The following NSG2 variants were observed in gnomAD, a reference collection of about 807,000 sequenced individuals.
NSG2 encodes the protein neuronal vesicle trafficking-associated protein 2.
Under a neutral mutation model 16.9 loss-of-function variants are expected in NSG2, and 4 were observed. That is an observed-to-expected ratio of 0.24 (90% confidence interval 0.12 to 0.54). The LOEUF is 0.54. Among genes scored for constraint, NSG2 ranks in the 20% least tolerant of loss-of-function variants. NSG2 has a pLI of 0.95. For synonymous variants in NSG2, 98 were observed against 88.7 expected, an observed-to-expected ratio of 1.11 and a Z score of -0.59; for missense variants, 179 against 221.1, an observed-to-expected ratio of 0.81 and a Z score of 1.21.
At chr5:174,053,822 C>A (rs181134940) in intron 2 of NSG2, among the ~76,000 whole-genome samples, 2 of 152,294 alleles carry the variant, frequency 1.3e-5, no homozygotes, top group East Asian at 1.9e-4. Context: ...AATACTGGGG[C>A]AAACTTGTCC....
chr5:174,080,299 A>G (rs1040101250), intron 3 of NSG2, among the ~76,000 whole-genome samples: 1 of 148,538 alleles, frequency 6.7e-6, no homozygotes, highest in African/African-American at 2.4e-5. Flanking sequence ...ATATATATTT[A>G]TATATGTTAT....
chr5:174,098,200 A>C (rs182816622), intron 3 of NSG2, among the ~76,000 whole-genome samples: 106 of 152,288 alleles, frequency 7.0e-4, no homozygotes, highest in Admixed American at 2.0e-3. Flanking sequence ...GGCCCAGAGA[A>C]GCAACTGCAG....
chr5:174,045,865 CTATAACCA>C (rs1759786887), intron 1 of NSG2, 22 bp downstream of exon 1: 1 of 152,358 alleles, frequency 6.6e-6, no homozygotes, highest in African/African-American at 2.4e-5. Context: ...TTTGTTTTTG[CTATAACCA>C]CTCCCCAATA....
At chr5:174,104,855 C>T (rs1057331832) in intron 4 of NSG2, among the ~76,000 whole-genome samples, 3 of 152,168 alleles carry the variant, frequency 2.0e-5, no homozygotes, top group African/African-American at 4.8e-5. Flanking sequence ...CTCTGAACCT[C>T]GTTTTCTTGC....
intron 3 of NSG2, among the ~76,000 whole-genome samples, chr5:174,065,979 G>C (rs1038080227): frequency 2.6e-5 from 4 of 152,208 alleles, no homozygotes. Context: ...AACATGACTC[G>C]TGGTTGGTTA....
chr5:174,090,888 C>T (rs1760710463), intron 3 of NSG2, among the ~76,000 whole-genome samples: 1 of 152,196 alleles, frequency 6.6e-6, no homozygotes, highest in Non-Finnish European at 1.5e-5. Context: ...GCAAGAATTA[C>T]AGGGAGACAT....
chr5:174,070,639 G>C (rs1422157983), intron 3 of NSG2, among the ~76,000 whole-genome samples: 1 of 151,960 alleles, frequency 6.6e-6, no homozygotes, highest in Non-Finnish European at 1.5e-5. Flanking sequence ...ACAAATGTGT[G>C]GATCAGATGA....
rs545308216 is a variant in NSG2, at chr5:174,097,685, CTGTG to C, written c.214-6541_214-6538del. Among the ~76,000 whole-genome samples the C allele has an allele frequency of 1.6e-4, 23 of 144,240 alleles. 1 individual carries two copies. In the South Asian group the frequency reaches 3.3e-3, roughly 21 times the overall value. The allele number at this position is 144,240 out of a possible 152,430, so 94.6% of individuals were successfully genotyped here. Reference sequence around the variant, plus strand: ...TGTGTGTGAATATCTGTGTCTCTGTCTGTGTAACTGTGTGTGTCTTTTTGTGTGT... The same window carrying C: ...TGTGTGTGAATATCTGTGTCTCTGTCTAACTGTGTGTGTCTTTTTGTGTGT... On this transcript the variant is annotated intron_variant, in intron 3 of 4. Transcript: ENST00000303177.
At chr5:174,073,365 T>C (rs1760276016) in intron 3 of NSG2, among the ~76,000 whole-genome samples, 1 of 152,224 alleles carries the variant, frequency 6.6e-6, no homozygotes, top group South Asian at 2.1e-4. Context: ...CTCTTTCTTT[T>C]AAATTTTGAG....
intron 2 of NSG2, among the ~76,000 whole-genome samples, chr5:174,057,713 G>T (rs1759987336): frequency 6.6e-6 from 1 of 152,230 alleles, no homozygotes; most frequent in Non-Finnish European, 1.5e-5. Flanking sequence ...GGCATTCAGA[G>T]CCTCTGTGTG....
At chr5:174,076,712 A>G (rs1342812429) in intron 3 of NSG2, among the ~76,000 whole-genome samples, 2 of 152,096 alleles carry the variant, frequency 1.3e-5, no homozygotes, top group African/African-American at 4.8e-5. Context: ...GTCAGAGGTG[A>G]TTTTGTTTCT....
In NSG2 at chr5:174,072,034, A is replaced by G. The variant is rs1470838302; in HGVS notation, c.213+7719A>G. Among the ~76,000 whole-genome samples, 1 of 152,120 alleles carries G rather than the reference A, an allele frequency of 6.6e-6. No individual in the cohort carries two copies. Among genetic ancestry groups the G allele is most frequent in the African/African-American group, 2.4e-5 (1 of 41,410 alleles). On this transcript the variant is annotated intron_variant, in intron 3 of 4. Coordinates refer to ENST00000303177, the MANE Select transcript of NSG2 (RefSeq NM_015980.5). The surrounding 1 kb of genome is among the most constrained non-coding windows in gnomAD (Gnocchi z 4.0). ...CTAACAGGAGAAGAAGCAGGGAGAA[A>G]CACAGAAACCAGCCTCCTCAGTGCT...
At chr5:174,089,204 A>G (rs924185072) in intron 3 of NSG2, among the ~76,000 whole-genome samples, 1 of 152,148 alleles carries the variant, frequency 6.6e-6, no homozygotes, top group Non-Finnish European at 1.5e-5. Context: ...TTCACCTGGC[A>G]AGCATCCCTA....
intron 3 of NSG2, among the ~76,000 whole-genome samples, chr5:174,091,955 C>T (rs2113466815): frequency 6.6e-6 from 1 of 152,280 alleles, no homozygotes; most frequent in South Asian, 2.1e-4. Context: ...TGATACTTGT[C>T]AAGTGCTGAG....
At chr5:174,047,865 A>C (rs1759826379) in intron 2 of NSG2, among the ~76,000 whole-genome samples, 1 of 152,236 alleles carries the variant, frequency 6.6e-6, no homozygotes, top group Non-Finnish European at 1.5e-5. Context: ...TTGGAGGCCA[A>C]TGATGGAGTT....
At chr5:174,049,136 G>A (rs576044471) in intron 2 of NSG2, among the ~76,000 whole-genome samples, 1 of 152,158 alleles carries the variant, frequency 6.6e-6, no homozygotes, top group Admixed American at 6.5e-5. Context: ...TCAGGAGATC[G>A]AGACCATCCT....
At chr5:174,096,296 C>T (rs1319604890) in intron 3 of NSG2, among the ~76,000 whole-genome samples, 3 of 152,148 alleles carry the variant, frequency 2.0e-5, no homozygotes, top group African/African-American at 7.2e-5. Flanking sequence ...CGTAGCGGCT[C>T]AACATTGCCT....
At chr5:174,073,707 G>A (rs1215026060) in intron 3 of NSG2, among the ~76,000 whole-genome samples, 2 of 152,194 alleles carry the variant, frequency 1.3e-5, no homozygotes, top group Non-Finnish European at 2.9e-5. Context: ...CACACATTGT[G>A]CTGCCTTAGG....
intron 3 of NSG2, among the ~76,000 whole-genome samples, chr5:174,076,314 AG>A (rs201485282): frequency 0.014 from 2,172 of 150,304 alleles, 26 homozygotes; most frequent in Non-Finnish European, 0.021. Flanking sequence ...TAGGGAGGGT[AG>A]GTGTTTTCAT....
Sources: gnomAD v4.1 joint callset for allele counts (sites outside exome capture counted in the v4.1 genomes callset) on GRCh38, gnomAD v4.1.1 for gene constraint, Gnocchi (gnomAD v3.1) non-coding constraint, MANE v1.5 for transcripts, NCBI Gene and HGNC (gene_info 2026-07-23, HGNC 2026-07-21) for gene names.